CAPZB: variants seen among roughly 807,000 people sequenced by gnomAD.
CAPZB encodes the protein F-actin-capping protein subunit beta.
A neutral mutation model predicts 38.1 loss-of-function variants in CAPZB; 2 were observed. That is an observed-to-expected ratio of 0.05 (90% CI 0.02 to 0.17). CAPZB has a LOEUF of 0.17. Ranked by LOEUF, CAPZB falls within the 10% of genes least tolerant of loss-of-function variation. The pLI is 1.00. For missense variants in CAPZB, 161 were observed against 334.2 expected, an observed-to-expected ratio of 0.48 and a Z score of 4.04; for synonymous variants, 107 against 127.4, an observed-to-expected ratio of 0.84 and a Z score of 1.08.
chr1:19,438,086 A>C (rs1173135050), intron 1 of CAPZB, among the ~76,000 whole-genome samples: 1 of 152,062 alleles, frequency 6.6e-6, no homozygotes, highest in East Asian at 1.9e-4. Context: ...ACTACCTCCT[A>C]CGTCAGGGGA....
intron 1 of CAPZB, among the ~76,000 whole-genome samples, chr1:19,453,984 AGC>A (rs1367520241): frequency 6.6e-6 from 1 of 152,224 alleles, no homozygotes; most frequent in African/African-American, 2.4e-5. Flanking sequence ...AGCCAGCTGC[AGC>A]GTCTGCAATT....
In CAPZB at chr1:19,467,675, A is replaced by G. The variant is rs184473722; in HGVS notation, c.3+17761T>C. On this transcript the variant is annotated intron_variant, in intron 1 of 8. Coordinates refer to ENST00000264202, the MANE Select transcript of CAPZB (RefSeq NM_004930.5). Reference sequence around the variant, plus strand: ...ATCCATTTTCTTGCCTGAGTGATTCAGGTGTCCCCATTAAATTCTCTTCCA... The same window carrying G: ...ATCCATTTTCTTGCCTGAGTGATTCGGGTGTCCCCATTAAATTCTCTTCCA... Among the ~76,000 whole-genome samples the G allele has an allele frequency of 1.2e-3, 189 of 152,320 alleles. 1 individual carries two copies. The highest frequency in any genetic ancestry group is 4.3e-3 in the African/African-American group (180 of 41,574).
chr1:19,466,811 T>C (rs563711885), intron 1 of CAPZB, among the ~76,000 whole-genome samples: 3 of 152,160 alleles, frequency 2.0e-5, no homozygotes, highest in Admixed American at 1.3e-4. Context: ...TTAATATTCA[T>C]AGGAAAAATA....
intron 4 of CAPZB, among the ~76,000 whole-genome samples, chr1:19,366,307 T>TATATATATATATATATATATAAATAA: frequency 1.3e-5 from 1 of 74,168 alleles, no homozygotes; most frequent in African/African-American, 5.1e-5. Flanking sequence ...TATATATATA[T>TATATATATATATATATATATAAATAA]ATAAATAAAA....
intron 1 of CAPZB, among the ~76,000 whole-genome samples, chr1:19,444,103 A>C (rs994436757): frequency 2.0e-5 from 3 of 152,106 alleles, no homozygotes; most frequent in African/African-American, 7.2e-5. Context: ...GGTTGCAGGG[A>C]GCAGAGATAA....
intron 1 of CAPZB, among the ~76,000 whole-genome samples, chr1:19,481,904 T>A (rs990718448): frequency 2.0e-5 from 3 of 152,192 alleles, no homozygotes; most frequent in Non-Finnish European, 4.4e-5. Context: ...ATGTGAGCCA[T>A]GAGGGCAGAG....
rs566315403 is a variant in CAPZB at position 19,352,911 on chromosome 1, C to T, written c.588+3724G>A. On this transcript the variant is annotated intron_variant, in intron 6 of 8. Coordinates refer to ENST00000264202, the MANE Select transcript of CAPZB (RefSeq NM_004930.5). ...ACGTGCCCAGGAGAGTGGCGCTCTG[C>T]CCCGGCCACTGGCCTACCACCAGCC... Among the ~76,000 whole-genome samples the T allele has an allele frequency of 1.1e-4, 17 of 152,076 alleles. 1 individual carries two copies. In the East Asian group the frequency reaches 2.3e-3, roughly 21 times the overall value.
chr1:19,450,886 GA>G (rs966606726), intron 1 of CAPZB, among the ~76,000 whole-genome samples: 2 of 152,200 alleles, frequency 1.3e-5, no homozygotes, highest in African/African-American at 4.8e-5. Context: ...AAAAGGTTAT[GA>G]AAAACCCCAG....
intron 2 of CAPZB, among the ~76,000 whole-genome samples, chr1:19,414,125 T>C (rs961698554): frequency 6.6e-6 from 1 of 152,190 alleles, no homozygotes; most frequent in African/African-American, 2.4e-5. Flanking sequence ...GTCCACTCAC[T>C]CGTTCACTAA....
chr1:19,391,637 T>C (rs2094235809), intron 2 of CAPZB, among the ~76,000 whole-genome samples: 1 of 152,210 alleles, frequency 6.6e-6, no homozygotes, highest in Non-Finnish European at 1.5e-5. Flanking sequence ...CAGTGTGGCA[T>C]TCTGTAAAAA....
At chr1:19,442,457 C>G (rs1247616557) in intron 1 of CAPZB, among the ~76,000 whole-genome samples, 1 of 152,142 alleles carries the variant, frequency 6.6e-6, no homozygotes, top group Non-Finnish European at 1.5e-5. Flanking sequence ...TTGAAATTCT[C>G]TGTAACAAAA....
intron 2 of CAPZB, among the ~76,000 whole-genome samples, chr1:19,386,032 A>C (rs1377455297): frequency 6.6e-6 from 1 of 152,180 alleles, no homozygotes; most frequent in African/African-American, 2.4e-5. Context: ...GGAGTAGAAA[A>C]ACTCGTCCGT....
intron 4 of CAPZB, among the ~76,000 whole-genome samples, chr1:19,358,013 G>A (rs767857852): frequency 1.2e-4 from 18 of 152,220 alleles, no homozygotes; most frequent in South Asian, 6.2e-4. Context: ...GATCCCTCCT[G>A]AGCCTGGCAG....
At chr1:19,432,369 G>C (rs1168700861) in intron 1 of CAPZB, among the ~76,000 whole-genome samples, 1 of 152,056 alleles carries the variant, frequency 6.6e-6, no homozygotes, top group South Asian at 2.1e-4. Flanking sequence ...TTGAACCTAG[G>C]TGGCCGAGTT....
chr1:19,484,774 G>T, intron 1 of CAPZB: 1 of 978,342 alleles, frequency 1.0e-6, no homozygotes, highest in Non-Finnish European at 1.2e-6. Context: ...GAAAAGTCCA[G>T]GGAAGGGGAT....
chr1:19,470,990 G>A lies in CAPZB; in HGVS notation c.3+14446C>T, dbSNP rs149154215. ...TGTACAGTGGCCCCCCTTTATCCTC[G>A]GGGGATACCTTCCAAGACCCCCAGT... On this transcript the variant is annotated intron_variant, in intron 1 of 8. Transcript: ENST00000264202. Among the ~76,000 whole-genome samples, 26 of 152,192 alleles carry A rather than the reference G, an allele frequency of 1.7e-4. No homozygotes were observed. In the East Asian group the frequency reaches 2.7e-3, roughly 16 times the overall value.
chr1:19,419,089 T>A (rs1251122667), intron 2 of CAPZB, among the ~76,000 whole-genome samples: 1 of 152,242 alleles, frequency 6.6e-6, no homozygotes, highest in African/African-American at 2.4e-5. Flanking sequence ...AATATGGTGC[T>A]AGTGAATTTG....
intron 1 of CAPZB, among the ~76,000 whole-genome samples, chr1:19,471,385 T>A (rs1322972078): frequency 6.6e-6 from 1 of 152,194 alleles, no homozygotes; most frequent in Non-Finnish European, 1.5e-5. Context: ...GTTAACCCAA[T>A]GCCTCAAACT....
intron 1 of CAPZB, among the ~76,000 whole-genome samples, chr1:19,466,681 C>T (rs1015736455): frequency 4.6e-5 from 7 of 152,192 alleles, no homozygotes; most frequent in Non-Finnish European, 1.5e-5. Flanking sequence ...GCTCCAGACT[C>T]CTGGTACAGT....
Sources: allele counts gnomAD v4.1 joint callset (sites outside exome capture counted in the v4.1 genomes callset), GRCh38; gene constraint gnomAD v4.1.1; transcripts MANE v1.5; gene names NCBI Gene and HGNC (gene_info 2026-07-23, HGNC 2026-07-21).